The following STK36 variants were observed in gnomAD, a reference collection of about 807,000 sequenced individuals.
STK36 encodes serine/threonine-protein kinase 36.
A neutral mutation model predicts 142.2 loss-of-function variants in STK36; 116 were observed. The observed-to-expected ratio is 0.82, with a 90% CI of 0.70 to 0.95. STK36 has a LOEUF of 0.95. STK36 is among the 40% of genes least tolerant of loss of function. The pLI is 0.00. For synonymous variants in STK36, 619 were observed against 641.7 expected (o/e 0.96, Z 0.53); for missense variants, 1,422 against 1,617.2 (o/e 0.88, Z 2.07).
intron 11 of STK36, 23 bp downstream of exon 11, chr2:218,685,251 G>A: frequency 6.2e-7 from 1 of 1,613,966 alleles, no homozygotes; most frequent in Non-Finnish European, 8.5e-7. Context: ...AAGACACTGT[G>A]GATGGGATCA....
At position 218,700,959 on chromosome 2, in the gene STK36, C is replaced by T. The variant is rs1044504011; in HGVS notation, c.3805-907C>T. 4.7e-5 allele frequency among the ~76,000 whole-genome samples: 7 copies of T among 147,864 alleles called. No individual in the cohort carries two copies. The East Asian group carries it at 1.5e-3, about 32-fold the overall frequency. ...CCTGGGAGGAGGAGGTTGCAGTGAG[C>T]GGAGATCATGCCTCTGCATTCCAGC... On this transcript the variant is annotated intron_variant, in intron 26 of 26. Transcript: ENST00000295709.
At chr2:218,680,563 AG>A (rs1458300511) in intron 9 of STK36, 39 bp from the exon 10 acceptor site, 1 of 1,545,934 alleles carries the variant, frequency 6.5e-7, no homozygotes, top group African/African-American at 1.4e-5. Context: ...TAAGAGTCAT[AG>A]GTTTGGAACC....
At chr2:218,690,040 A>G in intron 13 of STK36, 84 bp downstream of exon 13, 2 of 1,228,648 alleles carry the variant, frequency 1.6e-6, no homozygotes, top group Non-Finnish European at 2.3e-6. Flanking sequence ...GGAACAGGCC[A>G]AGTATGAAGA....
chr2:218,692,367 A>G, intron 15 of STK36, 74 bp downstream of exon 15: 6 of 1,581,280 alleles, frequency 3.8e-6, no homozygotes, highest in Non-Finnish European at 4.3e-6. Flanking sequence ...TTCTATTGCC[A>G]TCACCTAGAT....
chr2:218,684,414 CTTTTTTTT>C (rs779556469), intron 10 of STK36, among the ~76,000 whole-genome samples: 1 of 49,324 alleles, frequency 2.0e-5, no homozygotes, highest in Non-Finnish European at 3.4e-5. Flanking sequence ...TGCGCCTGGC[CTTTTTTTT>C]TTTTTTTTTT....
chr2:218,672,938 T>G (rs781369130), intron 2 of STK36, 25 bp downstream of exon 2: 1 of 1,610,146 alleles, frequency 6.2e-7, no homozygotes, highest in Admixed American at 1.7e-5. Flanking sequence ...GGGATACCTT[T>G]TGGGTGGGAT....
At chr2:218,678,331 TG>T (rs1285040235) in intron 6 of STK36, among the ~76,000 whole-genome samples, 1 of 152,178 alleles carries the variant, frequency 6.6e-6, no homozygotes, top group Non-Finnish European at 1.5e-5. Context: ...GAAACCTTAT[TG>T]TAGCTTTGCT....
chr2:218,688,653 C>T lies in STK36; in HGVS notation c.1381-44C>T, dbSNP rs1179435081. 6.3e-6 allele frequency: 10 copies of T among 1,587,508 alleles called. No individual in the cohort carries two copies. In the Middle Eastern group the frequency reaches 5.1e-4, roughly 80 times the overall value. On this transcript the variant is annotated intron_variant, in intron 11 of 26. Transcript: ENST00000295709. ...GTATGTGTAGTTCTCCTTCTTTTAC[C>T]TCTGAAAATATCAATCGTTGCCTCT...
rs550033484 is a variant in STK36 at position 218,689,710 on chromosome 2, C to G, written c.1561-149C>G. 7.6e-6 allele frequency: 5 copies of G among 654,976 alleles called. No homozygotes were observed. The African/African-American group carries it at 9.0e-5, about 12-fold the overall frequency. 40.6% of individuals were successfully genotyped at this position (654,976 alleles called of 1,614,324 possible). On this transcript the variant is annotated intron_variant, in intron 12 of 26. Coordinates refer to ENST00000295709, the MANE Select transcript of STK36 (RefSeq NM_015690.5). ...CCCATTGGCAGATTCTCTGTTACCC[C>G]TAGAACTCTCTCTCTGCCTATACTT... is the stretch of plus-strand genomic sequence containing the variant.
At chr2:218,695,527 C>CTTTTTTTTT (rs964956273) in intron 21 of STK36, among the ~76,000 whole-genome samples, 4 of 73,040 alleles carry the variant, frequency 5.5e-5, no homozygotes, top group African/African-American at 2.9e-4. Flanking sequence ...CATGTCCAGT[C>CTTTTTTTTT]TTTTTTTTTT....
At chr2:218,685,017 A>T (rs375998637) in intron 10 of STK36, 68 bp from the exon 11 acceptor site, 20 of 1,586,516 alleles carry the variant, frequency 1.3e-5, no homozygotes, top group Admixed American at 1.7e-5. Context: ...CATGGTTTCT[A>T]CTGGTTGGGA....
At chr2:218,689,068 G>T (rs1940893721) in intron 12 of STK36, among the ~76,000 whole-genome samples, 192 bp downstream of exon 12, 1 of 152,144 alleles carries the variant, frequency 6.6e-6, no homozygotes, top group South Asian at 2.1e-4. Flanking sequence ...CATGAAGTAG[G>T]CTATGCATGT....
In STK36 at chr2:218,692,671, T is replaced by C. The variant is rs1006837148; in HGVS notation, c.2004T>C (p.Ala668=). The change falls in exon 16 of 27, where the codon GCT becomes GCC. Residue 668 remains alanine (A), a synonymous_variant. Transcript: ENST00000295709. ...ISSALAAICT[A]PVGLPDCWDA... ...CTGCCCTGGCAGCCATATGCACTGC[T>C]CCTGTGGGACTGCCCGACTGCTGGG... 1.9e-6 allele frequency: 3 copies of C among 1,613,402 alleles called. No individual in the cohort carries two copies. The highest frequency in any genetic ancestry group is 2.5e-6 in the Non-Finnish European group (3 of 1,179,950).
intron 6 of STK36, 95 bp from the exon 7 acceptor site, chr2:218,679,073 A>G (rs1462530595): frequency 1.7e-6 from 2 of 1,171,844 alleles, no homozygotes; most frequent in Non-Finnish European, 1.2e-6. Context: ...TGCTGTGAGG[A>G]TGGATGTGGG....
In STK36 at chr2:218,672,860, G is replaced by A. The variant is rs1940050187; in HGVS notation, c.31G>A (p.Gly11Arg). MEKYHVLEMIGEGSFGRVYKG... is the reference protein window; with the variant it reads MEKYHVLEMIREGSFGRVYKG... ...AAAGTACCACGTGTTGGAGATGATT[G>A]GAGAAGGCTCTTTTGGGAGGGTGTA... Residue 11 changes from glycine to arginine, a missense_variant, in exon 2 of 27, where the codon GGA (glycine) becomes AGA (arginine). By Grantham distance (125) the Gly-to-Arg change is moderately radical. Transcript: ENST00000295709. 6.2e-7 allele frequency: 1 copy of A among 1,614,070 alleles called. No individual in the cohort carries two copies. The highest frequency in any genetic ancestry group is 8.5e-7 in the Non-Finnish European group (1 of 1,179,996).
rs900782587 is a variant in STK36, at chr2:218,702,391, G to T, written c.*382G>T. The T allele has an allele frequency of 1.2e-5, 2 of 169,950 alleles. No individual in the cohort carries two copies. Among genetic ancestry groups the T allele is most frequent in the Non-Finnish European group, 2.5e-5 (2 of 79,814 alleles). 10.5% of individuals were successfully genotyped at this position (169,950 alleles called of 1,614,324 possible). A position where few individuals can be genotyped will look rare whatever the true frequency, so the allele number is the denominator to read the frequency against. On this transcript the variant is annotated 3_prime_UTR_variant, in exon 27 of 27. Coordinates refer to ENST00000295709, the MANE Select transcript of STK36 (RefSeq NM_015690.5). ...TTCCCAGCAGGTTTTTGCCTTAGAC[G>T]TGCTGGCCCCAGGACAGTGATGAAG...
In STK36 at chr2:218,672,768, TG is replaced by T; in HGVS notation, c.-60del. The stretch of plus-strand genomic sequence containing the variant: ...GTCCCAGATGTTGTGGAACTGTCCC[TG>T]GATCTATAGCTCTTCACCGTCTCTA... On this transcript the variant is annotated 5_prime_UTR_variant, in exon 2 of 27. It introduces an in-frame stop codon into an upstream open reading frame of the 5' UTR. Coordinates refer to ENST00000295709, the MANE Select transcript of STK36 (RefSeq NM_015690.5). The T allele has an allele frequency of 6.4e-7, 1 of 1,555,624 alleles. No homozygotes were observed. Among genetic ancestry groups the T allele is most frequent in the Non-Finnish European group, 8.9e-7 (1 of 1,127,428 alleles).
chr2:218,679,735 T>G lies in STK36; in HGVS notation c.948+6T>G. ...CTGAGGAGGCCATGCAGAAGGTGTG[T>G]GGGGCAGAGGAAAATATGTGAAATG... On this transcript the variant is annotated splice_donor_region_variant and intron_variant, in intron 8 of 26. Coordinates refer to ENST00000295709, the MANE Select transcript of STK36 (RefSeq NM_015690.5). 6.2e-7 allele frequency: 1 copy of G among 1,613,966 alleles called. No individual in the cohort carries two copies. Among genetic ancestry groups the G allele is most frequent in the South Asian group, 1.1e-5 (1 of 91,066 alleles).
chr2:218,696,063 A>C (rs1205523179), intron 21 of STK36, among the ~76,000 whole-genome samples: 32 of 140,308 alleles, frequency 2.3e-4, no homozygotes, highest in East Asian at 1.1e-3. Context: ...GGGGTTTCAC[A>C]ATGTTGGCCA....
Sources: gnomAD v4.1 joint callset for allele counts (sites outside exome capture counted in the v4.1 genomes callset) on GRCh38, gnomAD v4.1.1 for gene constraint, MANE v1.5 for transcripts, NCBI Gene and HGNC (gene_info 2026-07-23, HGNC 2026-07-21) for gene names.